Variants in SCN2A observed in about 807,000 individuals in gnomAD.
The protein encoded by SCN2A is sodium voltage-gated channel alpha subunit 2.
SCN2A carries 20 observed loss-of-function variants against 188.7 expected under a neutral mutation model. The ratio of observed to expected loss-of-function variants is 0.11; its 90% CI spans 0.07 to 0.15. The LOEUF (loss-of-function observed/expected upper bound fraction) is 0.15. Among genes scored for constraint, SCN2A ranks in the 10% least tolerant of loss-of-function variants. SCN2A has a pLI of 1.00. For synonymous variants in SCN2A, 804 were observed against 833.1 expected (o/e 0.97, Z 0.60); for missense variants, 1,278 against 2,445.0 (o/e 0.52, Z 10.07).
intron 7 of SCN2A, among the ~76,000 whole-genome samples, chr2:165,311,355 G>A (rs140508327): frequency 3.1e-4 from 47 of 152,088 alleles, no homozygotes; most frequent in African/African-American, 1.1e-3. Flanking sequence ...ACTTACTGAA[G>A]TTATATGTCA....
At chr2:165,290,656 T>C (rs149329169) in intron 1 of SCN2A, 71 of 362,304 alleles carry the variant, frequency 2.0e-4, no homozygotes, top group African/African-American at 1.5e-3. Flanking sequence ...AGTTGGTATA[T>C]TGCTGAGCAC....
intron 20 of SCN2A, chr2:165,371,014 C>CAAT (rs1195581074): frequency 6.6e-6 from 1 of 152,132 alleles, no homozygotes; most frequent in Non-Finnish European, 1.5e-5. Context: ...ACATTACAAA[C>CAAT]AATAGAAAAT....
intron 1 of SCN2A, chr2:165,267,667 G>A (rs750598600): frequency 6.6e-6 from 1 of 151,754 alleles, no homozygotes; most frequent in Non-Finnish European, 1.5e-5. Flanking sequence ...CTACAGAATG[G>A]AAGAAAATAT....
intron 1 of SCN2A, chr2:165,285,426 TGAA>T (rs1182730542): frequency 6.1e-6 from 1 of 164,972 alleles, no homozygotes; most frequent in African/African-American, 2.4e-5. Flanking sequence ...TCCATTGCCT[TGAA>T]GAAGGTGAAA....
intron 1 of SCN2A, chr2:165,294,010 TAAAAAAAAAAAAAAAAA>T: frequency 2.0e-5 from 3 of 149,490 alleles, no homozygotes; most frequent in Non-Finnish European, 2.6e-5. Context: ...GAAGGAGAAT[TAAAAAAAAAAAAAAAAA>T]AAAAAAAAAA....
intron 1 of SCN2A, among the ~76,000 whole-genome samples, chr2:165,279,849 G>A (rs1207145467): frequency 6.6e-6 from 1 of 152,190 alleles, no homozygotes; most frequent in African/African-American, 2.4e-5. Flanking sequence ...GACCCAGTGG[G>A]AGGTAACTGA....
chr2:165,240,352 A>G (rs1411087848), intron 1 of SCN2A, among the ~76,000 whole-genome samples: 1 of 152,116 alleles, frequency 6.6e-6, no homozygotes, highest in Non-Finnish European at 1.5e-5. Flanking sequence ...AATAGTTGAT[A>G]TTATAGAAGG....
At chr2:165,344,383 C>T (rs1199399471) in intron 15 of SCN2A, among the ~76,000 whole-genome samples, 172 bp from the exon 16 acceptor site, 1 of 151,616 alleles carries the variant, frequency 6.6e-6, no homozygotes, top group African/African-American at 2.4e-5. Flanking sequence ...AGATTTTTCC[C>T]TTCCTGTGTC....
At chr2:165,247,298 GT>G (rs966712061) in intron 1 of SCN2A, among the ~76,000 whole-genome samples, 2 of 150,290 alleles carry the variant, frequency 1.3e-5, no homozygotes, top group African/African-American at 4.9e-5. Flanking sequence ...TTTATTTTTT[GT>G]TGTCTTTGCA....
intron 20 of SCN2A, chr2:165,372,441 A>G (rs1701086287): frequency 1.3e-5 from 2 of 152,062 alleles, no homozygotes. Context: ...TTTGAAATTC[A>G]GGTGTACTTT....
chr2:165,284,043 TTCTC>T (rs1246449536), intron 1 of SCN2A, among the ~76,000 whole-genome samples: 3 of 149,630 alleles, frequency 2.0e-5, no homozygotes, highest in South Asian at 2.1e-4. Flanking sequence ...TCCTCTCTAG[TTCTC>T]TCTCTCTCTC....
chr2:165,317,763 A>T (rs1697839453), intron 11 of SCN2A, among the ~76,000 whole-genome samples: 1 of 152,172 alleles, frequency 6.6e-6, no homozygotes, highest in South Asian at 2.1e-4. Context: ...CTGACTTAGA[A>T]GACATGGCAT....
At chr2:165,384,131 A>T (rs568756300) in intron 25 of SCN2A, among the ~76,000 whole-genome samples, 2 of 152,182 alleles carry the variant, frequency 1.3e-5, no homozygotes, top group African/African-American at 4.8e-5. Flanking sequence ...TCCTCTAATG[A>T]ATTTGGAGTA....
chr2:165,291,502 T>TCTCTC (rs1559340410), intron 1 of SCN2A, among the ~76,000 whole-genome samples: 5 of 134,816 alleles, frequency 3.7e-5, no homozygotes, highest in African/African-American at 1.4e-4. Flanking sequence ...TTTCTTTCTT[T>TCTCTC]CTTTCTTTCT....
intron 3 of SCN2A, among the ~76,000 whole-genome samples, chr2:165,301,592 T>C (rs566351338): frequency 6.6e-6 from 1 of 152,312 alleles, no homozygotes; most frequent in South Asian, 2.1e-4. Context: ...ACATTAATAA[T>C]GATAAAATGT....
intron 3 of SCN2A, among the ~76,000 whole-genome samples, chr2:165,305,439 A>G (rs1480449258): frequency 6.6e-6 from 1 of 152,174 alleles, no homozygotes; most frequent in Non-Finnish European, 1.5e-5. Flanking sequence ...TTTGTTGAGC[A>G]ATGTTTGTTG....
chr2:165,310,712 G>T (rs1458136110), intron 7 of SCN2A, 117 bp downstream of exon 7: 33 of 674,026 alleles, frequency 4.9e-5, no homozygotes, highest in Non-Finnish European at 7.1e-5. Flanking sequence ...AATTTAAGAT[G>T]ATTTAATACA....
chr2:165,373,130 G>C, intron 20 of SCN2A, 95 bp from the exon 21 acceptor site: 1 of 1,369,914 alleles, frequency 7.3e-7, no homozygotes, highest in Non-Finnish European at 1.0e-6. Flanking sequence ...ACTCATGAAA[G>C]TTCGAGAATT....
At chr2:165,382,190 G>A (rs531539462) in intron 25 of SCN2A, among the ~76,000 whole-genome samples, 2 of 152,170 alleles carry the variant, frequency 1.3e-5, no homozygotes, top group African/African-American at 4.8e-5. Context: ...GAATAGTGAT[G>A]CATTTGAATT....
Sources: allele counts gnomAD v4.1 joint callset (sites outside exome capture counted in the v4.1 genomes callset), GRCh38; gene constraint gnomAD v4.1.1; transcripts MANE v1.5; gene names NCBI Gene and HGNC (gene_info 2026-07-23, HGNC 2026-07-21).